AGAP4: variants seen among roughly 807,000 people sequenced by gnomAD.
The protein encoded by AGAP4 is arf-GAP with GTPase, ANK repeat and PH domain-containing protein 4.
AGAP4 carries 13 observed loss-of-function variants against 60.7 expected under a neutral mutation model. The observed-to-expected ratio is 0.21, with a 90% CI of 0.14 to 0.34. AGAP4 has a LOEUF of 0.34. Ranked by LOEUF, AGAP4 falls within the 10% of genes least tolerant of loss-of-function variation. The pLI, the probability that AGAP4 is intolerant of heterozygous loss-of-function variation, is 1.00. For synonymous variants in AGAP4, 70 were observed against 339.0 expected (o/e 0.21, Z 8.72); for missense variants, 169 against 884.0 (o/e 0.19, Z 10.26).
intron 4 of AGAP4, among the ~76,000 whole-genome samples, chr10:45,838,817 A>G (rs1241445566): frequency 2.0e-5 from 3 of 151,612 alleles, no homozygotes; most frequent in African/African-American, 7.3e-5. Flanking sequence ...AATTAACTTA[A>G]ATATTTCTAA....
At chr10:45,828,243 T>G (rs1236934562) in intron 6 of AGAP4, among the ~76,000 whole-genome samples, 163 bp from the exon 7 acceptor site, 2 of 148,618 alleles carry the variant, frequency 1.3e-5, no homozygotes, top group African/African-American at 4.9e-5. Context: ...TCCTGACTTC[T>G]TCTTTCTCAG....
At chr10:45,828,111 A>C (rs2058674689) in intron 6 of AGAP4, 31 bp from the exon 7 acceptor site, 1 of 621,756 alleles carries the variant, frequency 1.6e-6, no homozygotes, top group African/African-American at 1.9e-5. Flanking sequence ...TTACTTCAAA[A>C]ACTGTTAATA....
chr10:45,830,114 C>G (rs1225626325), intron 6 of AGAP4, among the ~76,000 whole-genome samples: 30 of 149,162 alleles, frequency 2.0e-4, no homozygotes, highest in African/African-American at 3.9e-4. Flanking sequence ...TGTCTGAAAA[C>G]TTTAAAAATA....
At chr10:45,828,682 TGTTC>T (rs2058683722) in intron 6 of AGAP4, among the ~76,000 whole-genome samples, 2 of 115,246 alleles carry the variant, frequency 1.7e-5, no homozygotes, top group African/African-American at 6.5e-5. Context: ...AGGTCATAAC[TGTTC>T]TTTTTTTTTT....
upstream of AGAP4, chr10:45,847,506 C>T (rs1467483637): frequency 6.6e-7 from 1 of 1,524,598 alleles, no homozygotes; most frequent in South Asian, 1.2e-5. Context: ...CAGCCCTGGC[C>T]CTGGCCCTGG....
rs1434255972 is a variant in AGAP4 at position 45,853,532 on chromosome 10, T to C, written n.221+123A>G. ...CACAATGACATGTCAGCCAAATACA[T>C]ATGCTCAGATTTACCATTTATCAAG... On this transcript the variant is annotated intron_variant and non_coding_transcript_variant, in intron 1 of 9. Coordinates refer to the AGAP4 transcript ENST00000430779. The C allele has an allele frequency of 4.8e-5, 56 of 1,162,056 alleles. 1 individual carries two copies. Among genetic ancestry groups the C allele is most frequent in the Non-Finnish European group, 5.9e-5 (54 of 910,134 alleles). The allele number at this position is 1,162,056 out of a possible 1,614,324, so 72.0% of individuals were successfully genotyped here. A position where few individuals can be genotyped will look rare whatever the true frequency, so the allele number is the denominator to read the frequency against.
At position 45,825,619 on chromosome 10, in the gene AGAP4, A is replaced by G. The variant is rs1445029356; in HGVS notation, c.*296T>C. The G allele has an allele frequency of 2.5e-5, 12 of 470,928 alleles. No individual in the cohort carries two copies. Among genetic ancestry groups the G allele is most frequent in the Non-Finnish European group, 4.2e-5 (11 of 259,540 alleles). The allele number at this position is 470,928 out of a possible 1,614,324, so 29.2% of individuals were successfully genotyped here. ...TACAAAAATCAATGCATATTTATGA[A>G]CTTTATTTCAAATATATTTTCACAC... is the stretch of plus-strand genomic sequence containing the variant. On this transcript the variant is annotated 3_prime_UTR_variant, in exon 8 of 8. Transcript: ENST00000616763.
chr10:45,827,329 G>C lies in AGAP4; in HGVS notation c.647C>G (p.Ser216Cys), dbSNP rs1459932271. Residue 216 changes from serine (S) to cysteine (C), a missense_variant, in exon 8 of 8, where the codon TCC becomes TGC. Ser to Cys is a moderately radical substitution (Grantham distance 112). Transcript: ENST00000616763. ...GGTGCTGGGAGTCGATGGAATGGAG[G>C]AGGAATAGTTATTTAAACTCCCACC... Reference protein sequence around the residue: ...NGGGSLNNYSSSIPSTPSTSQ... With the variant: ...NGGGSLNNYSCSIPSTPSTSQ... 2.6e-5 allele frequency: 42 copies of C among 1,593,412 alleles called. 3 individuals are homozygous for C. In the African/African-American group the frequency reaches 4.2e-4, roughly 16 times the overall value.
At chr10:45,837,634 A>C (rs1335737857) in intron 4 of AGAP4, among the ~76,000 whole-genome samples, 3,858 of 149,692 alleles carry the variant, frequency 0.026, no homozygotes, top group Admixed American at 0.061. Flanking sequence ...AACCCTATTC[A>C]ACAAATGGTG....
chr10:45,853,876 A>C, upstream of AGAP4: 1 of 1,231,312 alleles, frequency 8.1e-7, no homozygotes, highest in African/African-American at 1.6e-5. Context: ...ACTTCCTATC[A>C]GTTCAGTTCA....
At chr10:45,835,156 C>T (rs2058798359) in intron 4 of AGAP4, among the ~76,000 whole-genome samples, 1 of 138,332 alleles carries the variant, frequency 7.2e-6, no homozygotes, top group Admixed American at 7.0e-5. Context: ...GAATACAAGA[C>T]TAATGCATTT....
intron 6 of AGAP4, among the ~76,000 whole-genome samples, chr10:45,831,152 C>T (rs1482699441): frequency 2.0e-5 from 2 of 100,610 alleles, no homozygotes; most frequent in Non-Finnish European, 4.2e-5. Context: ...GAAAAAATTT[C>T]AATTGTATAA....
chr10:45,832,361 A>C (rs1338926361), intron 5 of AGAP4, among the ~76,000 whole-genome samples: 3 of 149,748 alleles, frequency 2.0e-5, no homozygotes, highest in Non-Finnish European at 4.5e-5. Context: ...GTCCCACCAA[A>C]TTGGAGCAGT....
upstream of AGAP4, chr10:45,854,633 C>CAAAACAAAA (rs1265743204): frequency 1.5e-5 from 1 of 66,270 alleles, no homozygotes; most frequent in East Asian, 4.6e-4. Context: ...GACTCCCTCT[C>CAAAACAAAA]AAAAAAAAAA....
rs2058966958 is a variant in AGAP4 at position 45,844,321 on chromosome 10, C to A, written c.361+5G>T. 21 of 1,594,196 alleles carry A rather than the reference C, an allele frequency of 1.3e-5. No homozygotes were observed. Among genetic ancestry groups the A allele is most frequent in the Non-Finnish European group, 1.7e-5 (20 of 1,179,654 alleles). On this transcript the variant is annotated splice_donor_5th_base_variant and intron_variant, in intron 3 of 7. Transcript: ENST00000616763. Reference sequence around the variant, plus strand: ...CTCTTGGTGGAAAAAACAATGTCGTCTCACCATCTGTTTGAGAGTTCCTCT... The same window carrying A: ...CTCTTGGTGGAAAAAACAATGTCGTATCACCATCTGTTTGAGAGTTCCTCT...
At chr10:45,851,440 G>A (rs1328072572), upstream of AGAP4, among the ~76,000 whole-genome samples, 21 of 151,988 alleles carry the variant, frequency 1.4e-4, no homozygotes, top group African/African-American at 2.4e-4. Context: ...TTTGCCAGGA[G>A]GGCAGGAAAG....
intron 4 of AGAP4, among the ~76,000 whole-genome samples, chr10:45,838,857 T>A (rs1156926859): frequency 1.3e-5 from 2 of 150,886 alleles, no homozygotes; most frequent in Admixed American, 6.6e-5. Context: ...AACAGCTCCA[T>A]CTATGTTGTG....
chr10:45,853,639 C>A, intron 1 of AGAP4: 1 of 1,286,450 alleles, frequency 7.8e-7, no homozygotes, highest in Non-Finnish European at 1.0e-6. Flanking sequence ...AGCCATGGAT[C>A]GGGAGACCAA....
At chr10:45,844,504 TCTTATC>T in intron 2 of AGAP4, 110 bp from the exon 3 acceptor site, 2 of 1,529,672 alleles carry the variant, frequency 1.3e-6, no homozygotes, top group Non-Finnish European at 1.8e-6. Flanking sequence ...CTACTTTGAT[TCTTATC>T]CATTGAAATG....
Sources: gnomAD v4.1 joint callset for allele counts (sites outside exome capture counted in the v4.1 genomes callset) on GRCh38, gnomAD v4.1.1 for gene constraint, MANE v1.5 for transcripts, NCBI Gene and HGNC (gene_info 2026-07-23, HGNC 2026-07-21) for gene names.